Variants in SHROOM3 observed in about 807,000 individuals in gnomAD.
SHROOM3 encodes the protein shroom family member 3, also known as protein Shroom3.
In SHROOM3, 47 loss-of-function variants were observed where a neutral mutation model predicts 138.6. The ratio of observed to expected loss-of-function variants is 0.34; its 90% CI spans 0.27 to 0.43. SHROOM3 has a LOEUF of 0.43. Among genes scored for constraint, SHROOM3 ranks in the 20% least tolerant of loss-of-function variants. The pLI is 1.00. For missense variants in SHROOM3, 2,491 were observed against 2,596.5 expected, an observed-to-expected ratio of 0.96 and a Z score of 0.88; for synonymous variants, 1,062 against 1,063.3, an observed-to-expected ratio of 1.00 and a Z score of 0.02.
At chr4:76,609,933 G>A (rs1560563973) in intron 2 of SHROOM3, among the ~76,000 whole-genome samples, 5 of 152,186 alleles carry the variant, frequency 3.3e-5, no homozygotes, top group Non-Finnish European at 7.3e-5. Context: ...GGAAGCTGTT[G>A]CTACCTGGTA....
At chr4:76,580,446 C>CTTT (rs869200924) in intron 2 of SHROOM3, among the ~76,000 whole-genome samples, 118 of 88,048 alleles carry the variant, frequency 1.3e-3, no homozygotes, top group African/African-American at 2.3e-3. Flanking sequence ...TGGGCAAGTT[C>CTTT]TTTTTTTTTT....
chr4:76,703,701 T>A (rs1292179104), intron 2 of SHROOM3, among the ~76,000 whole-genome samples: 2 of 152,176 alleles, frequency 1.3e-5, no homozygotes, highest in Non-Finnish European at 2.9e-5. Context: ...GCTAACTTCA[T>A]GGATGAAGGA....
chr4:76,582,781 A>T (rs1020911238), intron 2 of SHROOM3, among the ~76,000 whole-genome samples: 2 of 152,228 alleles, frequency 1.3e-5, no homozygotes, highest in African/African-American at 4.8e-5. Flanking sequence ...TCCTCCAAGG[A>T]TGAGGAACAG....
At chr4:76,683,446 CT>C (rs1184030042) in intron 2 of SHROOM3, among the ~76,000 whole-genome samples, 1 of 152,156 alleles carries the variant, frequency 6.6e-6, no homozygotes, top group Admixed American at 6.5e-5. Context: ...CCTTCCTTGC[CT>C]TTACCCTCCA....
intron 2 of SHROOM3, among the ~76,000 whole-genome samples, chr4:76,646,925 A>G (rs1735834561): frequency 1.3e-5 from 2 of 152,216 alleles, no homozygotes; most frequent in African/African-American, 4.8e-5. Flanking sequence ...CTGGGTATCT[A>G]TCCAAAGGAA....
intron 2 of SHROOM3, among the ~76,000 whole-genome samples, chr4:76,589,469 T>TAAAAAAA (rs60606785): frequency 1.2e-4 from 16 of 135,602 alleles, no homozygotes; most frequent in Admixed American, 9.6e-4. Flanking sequence ...CTCTGTCTCA[T>TAAAAAAA]AAAAAAAAAA....
chr4:76,770,350 AACAG>A (rs1560623509), intron 9 of SHROOM3, among the ~76,000 whole-genome samples: 1 of 133,760 alleles, frequency 7.5e-6, no homozygotes, highest in Non-Finnish European at 1.7e-5. Flanking sequence ...AAAAAAAAAA[AACAG>A]AAGACAAAGC....
chr4:76,629,580 G>A (rs758642704), intron 2 of SHROOM3, among the ~76,000 whole-genome samples: 1 of 152,208 alleles, frequency 6.6e-6, no homozygotes, highest in Non-Finnish European at 1.5e-5. Flanking sequence ...GCTGTGGCAC[G>A]GATCCAGGAC....
intron 2 of SHROOM3, among the ~76,000 whole-genome samples, chr4:76,615,226 A>G (rs1734847533): frequency 6.6e-6 from 1 of 152,180 alleles, no homozygotes; most frequent in South Asian, 2.1e-4. Context: ...TTTGCTTACT[A>G]CATATTGTCA....
chr4:76,663,093 T>C (rs903097444), intron 2 of SHROOM3, among the ~76,000 whole-genome samples: 2 of 152,230 alleles, frequency 1.3e-5, no homozygotes, highest in Admixed American at 1.3e-4. Context: ...TGCGGTTTGG[T>C]AATTTAAATC....
In SHROOM3 at chr4:76,523,297, A is replaced by G. The variant is rs1462553574; in HGVS notation, c.169-32312A>G. Among the ~76,000 whole-genome samples, 4 of 152,158 alleles carry G rather than the reference A, an allele frequency of 2.6e-5. No individual in the cohort carries two copies. The East Asian group carries it at 7.7e-4, about 29-fold the overall frequency. On this transcript the variant is annotated intron_variant, in intron 1 of 10. Coordinates refer to ENST00000296043, the MANE Select transcript of SHROOM3 (RefSeq NM_020859.4). ...TTAAGGCCCATCCGAGTTCTATGTG[A>G]CCTCATCTTAACTTGATTGTATCTG...
intron 1 of SHROOM3, among the ~76,000 whole-genome samples, chr4:76,452,951 C>T (rs1405297241): frequency 6.6e-6 from 1 of 152,120 alleles, no homozygotes; most frequent in Non-Finnish European, 1.5e-5. Context: ...CTCTTGACCT[C>T]AGGTGACCCA....
At chr4:76,738,332 G>C (rs369128030) in intron 4 of SHROOM3, among the ~76,000 whole-genome samples, 1 of 152,076 alleles carries the variant, frequency 6.6e-6, no homozygotes, top group Non-Finnish European at 1.5e-5. Context: ...TCCTTCACCC[G>C]TGCCTATTCT....
chr4:76,748,814 C>CTTTT (rs34047499), intron 5 of SHROOM3, among the ~76,000 whole-genome samples: 10 of 100,568 alleles, frequency 9.9e-5, no homozygotes, highest in African/African-American at 1.4e-4. Context: ...TCTGACTCTG[C>CTTTT]TTTTTTTTTT....
At chr4:76,700,209 T>G (rs1577982018) in intron 2 of SHROOM3, among the ~76,000 whole-genome samples, 4 of 152,306 alleles carry the variant, frequency 2.6e-5, no homozygotes, top group Middle Eastern at 6.8e-3. Flanking sequence ...GTCAAATTCT[T>G]TTTTCACCAG....
At chr4:76,762,164 T>G (rs73826433) in intron 9 of SHROOM3, among the ~76,000 whole-genome samples, 4,200 of 152,284 alleles carry the variant, frequency 0.028, 198 homozygotes, top group African/African-American at 0.096. Flanking sequence ...CCTTTTTTCT[T>G]AATAAAATGG....
chr4:76,733,388 A>G (rs1008232545), intron 4 of SHROOM3, among the ~76,000 whole-genome samples: 2 of 152,188 alleles, frequency 1.3e-5, no homozygotes, highest in African/African-American at 2.4e-5. Context: ...TGAAGCTTCA[A>G]AATTGTTCCT....
At chr4:76,617,072 G>A (rs759739489) in intron 2 of SHROOM3, among the ~76,000 whole-genome samples, 30 of 152,202 alleles carry the variant, frequency 2.0e-4, no homozygotes, top group Non-Finnish European at 2.6e-4. Context: ...AGTATTACCC[G>A]CACAGGCTAA....
intron 2 of SHROOM3, among the ~76,000 whole-genome samples, chr4:76,612,357 A>G (rs1340011916): frequency 6.6e-6 from 1 of 152,178 alleles, no homozygotes; most frequent in Admixed American, 6.5e-5. Flanking sequence ...ATGATATAGA[A>G]ATACTTAAAA....
Sources: allele counts gnomAD v4.1 joint callset (sites outside exome capture counted in the v4.1 genomes callset), GRCh38; gene constraint gnomAD v4.1.1; transcripts MANE v1.5; gene names NCBI Gene and HGNC (gene_info 2026-07-23, HGNC 2026-07-21).